The following CIP2A variants were observed in gnomAD, a reference collection of about 807,000 sequenced individuals.
The protein encoded by CIP2A is cellular inhibitor of PP2A.
A neutral mutation model predicts 110.9 loss-of-function variants in CIP2A; 103 were observed. The ratio of observed to expected loss-of-function variants is 0.93; its 90% CI spans 0.79 to 1.09. CIP2A has a LOEUF of 1.09. Ranked by LOEUF, CIP2A falls within the 50% of genes least tolerant of loss-of-function variation. The pLI is 0.00. For synonymous variants in CIP2A, 381 were observed against 361.6 expected, an observed-to-expected ratio of 1.05 and a Z score of -0.61; for missense variants, 1,088 against 1,038.4, an observed-to-expected ratio of 1.05 and a Z score of -0.66.
intron 19 of CIP2A, 50 bp from the exon 20 acceptor site, chr3:108,552,423 T>A (rs1002081796): frequency 8.3e-7 from 1 of 1,207,166 alleles, no homozygotes; most frequent in Non-Finnish European, 1.1e-6. Context: ...TTACACTGAC[T>A]ACTCTGAAAT....
At chr3:108,569,701 A>G (rs1367616854) in intron 8 of CIP2A, 94 bp from the exon 9 acceptor site, 1 of 924,602 alleles carries the variant, frequency 1.1e-6, no homozygotes, top group East Asian at 2.6e-5. Flanking sequence ...TACATATTTT[A>G]AAGAAAATAT....
At chr3:108,569,971 T>C in intron 8 of CIP2A, among the ~76,000 whole-genome samples, 1 of 152,174 alleles carries the variant, frequency 6.6e-6, no homozygotes. Flanking sequence ...GAATTAGTAA[T>C]ACTTGTTATA....
intron 19 of CIP2A, among the ~76,000 whole-genome samples, chr3:108,553,060 T>G (rs1449954507): frequency 2.0e-5 from 3 of 148,768 alleles, no homozygotes; most frequent in Non-Finnish European, 4.5e-5. Context: ...CCCCTGATTC[T>G]AAAAGTTGAA....
chr3:108,553,750 T>C lies in CIP2A; in HGVS notation c.2325-20A>G, dbSNP rs200847374. 22 of 1,483,620 alleles carry C rather than the reference T, an allele frequency of 1.5e-5. No homozygotes were observed. Among genetic ancestry groups the C allele is most frequent in the East Asian group, 6.8e-5 (3 of 43,920 alleles). The allele number at this position is 1,483,620 out of a possible 1,614,324, so 91.9% of individuals were successfully genotyped here. A position where few individuals can be genotyped will look rare whatever the true frequency, so the allele number is the denominator to read the frequency against. ...ATACTTCTGAAGTTATTAAAAAAAA[T>C]AGAAGAAAACATTAATGAACCATAT... On this transcript the variant is annotated intron_variant, in intron 18 of 20. Transcript: ENST00000295746.
At chr3:108,558,543 T>A (rs1004623044) in intron 16 of CIP2A, among the ~76,000 whole-genome samples, 10 of 152,140 alleles carry the variant, frequency 6.6e-5, no homozygotes, top group African/African-American at 2.2e-4. Context: ...CCTGGAGCTA[T>A]AGAAGCAGTC....
At chr3:108,553,082 A>G (rs1937630660) in intron 19 of CIP2A, among the ~76,000 whole-genome samples, 1 of 151,198 alleles carries the variant, frequency 6.6e-6, no homozygotes, top group African/African-American at 2.4e-5. Flanking sequence ...TAATAAAAAA[A>G]TTAAATTAAA....
chr3:108,552,375 T>G lies in CIP2A; in HGVS notation c.2408-2A>C, dbSNP rs1168236343. The G allele has an allele frequency of 7.9e-6, 12 of 1,510,902 alleles. No individual in the cohort carries two copies. Among genetic ancestry groups the G allele is most frequent in the Non-Finnish European group, 1.1e-5 (12 of 1,121,594 alleles). The allele number at this position is 1,510,902 out of a possible 1,614,324, so 93.6% of individuals were successfully genotyped here. The stretch of plus-strand genomic sequence containing the variant: ...GTACTTTTGTTTTTTGATGCAAATC[T>G]TAAAAGAAAAAAAAGTCAAGTATTA... On this transcript the variant is annotated splice_acceptor_variant, in intron 19 of 20. Transcript: ENST00000295746. LOFTEE classifies it high-confidence loss of function.
intron 13 of CIP2A, 45 bp downstream of exon 13, chr3:108,563,081 T>C (rs1938061506): frequency 1.7e-6 from 2 of 1,195,540 alleles, no homozygotes; most frequent in Non-Finnish European, 2.5e-6. Context: ...CATAGCAGGG[T>C]ATTCCAACAC....
chr3:108,579,865 T>TTCAAAATTAAATTCAAA (rs1938804146), intron 5 of CIP2A, among the ~76,000 whole-genome samples, 177 bp from the exon 6 acceptor site: 1 of 152,152 alleles, frequency 6.6e-6, no homozygotes, highest in African/African-American at 2.4e-5. Flanking sequence ...CAGAGATAAA[T>TTCAAAATTAAATTCAAA]TTAAATTCAA....
chr3:108,577,581 A>G (rs906607259), intron 7 of CIP2A, among the ~76,000 whole-genome samples: 3 of 152,170 alleles, frequency 2.0e-5, no homozygotes, highest in African/African-American at 7.2e-5. Flanking sequence ...CTTCTGCATA[A>G]AAGGTAGCAA....
At chr3:108,560,153 G>GCTA in intron 14 of CIP2A, 125 bp from the exon 15 acceptor site, 1 of 607,108 alleles carries the variant, frequency 1.6e-6, no homozygotes. Flanking sequence ...AAAAACAAAT[G>GCTA]CTACATCAGG....
At chr3:108,556,516 A>C (rs933411644) in intron 17 of CIP2A, among the ~76,000 whole-genome samples, 2 of 152,186 alleles carry the variant, frequency 1.3e-5, no homozygotes, top group African/African-American at 4.8e-5. Context: ...TCAGTCTAAA[A>C]TCAAAAGTGC....
At chr3:108,581,352 A>C in intron 5 of CIP2A, 63 bp downstream of exon 5, 1 of 1,147,024 alleles carries the variant, frequency 8.7e-7, no homozygotes, top group Non-Finnish European at 1.3e-6. Context: ...GATAAATACA[A>C]TTTTCTTTAA....
chr3:108,558,941 G>A (rs981352128), intron 16 of CIP2A, among the ~76,000 whole-genome samples: 3 of 152,126 alleles, frequency 2.0e-5, no homozygotes, highest in Non-Finnish European at 4.4e-5. Context: ...GAAAGCAATA[G>A]CAGCTACTGT....
At chr3:108,567,246 CT>C (rs546253602) in intron 10 of CIP2A, among the ~76,000 whole-genome samples, 60 of 145,566 alleles carry the variant, frequency 4.1e-4, no homozygotes, top group Middle Eastern at 3.5e-3. Context: ...CATCGATTTT[CT>C]TTTTTTTTTT....
intron 1 of CIP2A, among the ~76,000 whole-genome samples, chr3:108,587,018 A>C (rs1030986031): frequency 2.0e-5 from 3 of 152,220 alleles, no homozygotes; most frequent in Non-Finnish European, 4.4e-5. Context: ...CAAAATGGTT[A>C]AAATTAAGAA....
rs549167790 is a variant in CIP2A, at chr3:108,576,133, C to T, written c.894+138G>A. On this transcript the variant is annotated intron_variant, in intron 8 of 20. Transcript: ENST00000295746. ...AACATTCTACATCCTGATCTAGACA[C>T]TGGCTACATAATTGTGTCCCTATTA... The T allele has an allele frequency of 1.1e-3, 588 of 535,150 alleles. 2 individuals carry two copies. Among genetic ancestry groups the T allele is most frequent in the Admixed American group, 2.0e-3 (53 of 27,042 alleles). 33.2% of individuals were successfully genotyped at this position (535,150 alleles called of 1,614,324 possible). A position where few individuals can be genotyped will look rare whatever the true frequency, so the allele number is the denominator to read the frequency against.
chr3:108,551,338 G>A lies in CIP2A; in HGVS notation c.2548-19C>T. On this transcript the variant is annotated intron_variant, in intron 20 of 20. Transcript: ENST00000295746. ...AGGAAGCCTAAGGAATTGGGGTTGG[G>A]GGAGGAGGAAGAATTGAGAAGAAAA... The A allele has an allele frequency of 6.4e-7, 1 of 1,568,162 alleles. No individual in the cohort carries two copies. The highest frequency in any genetic ancestry group is 1.2e-5 in the South Asian group (1 of 83,018).
chr3:108,575,382 A>G (rs1477483643), intron 8 of CIP2A, among the ~76,000 whole-genome samples: 1 of 150,234 alleles, frequency 6.7e-6, no homozygotes, highest in African/African-American at 2.4e-5. Flanking sequence ...ATATACATGT[A>G]TGCGTGTATA....
Sources: gnomAD v4.1 joint callset for allele counts (sites outside exome capture counted in the v4.1 genomes callset) on GRCh38, gnomAD v4.1.1 for gene constraint, MANE v1.5 for transcripts, NCBI Gene and HGNC (gene_info 2026-07-23, HGNC 2026-07-21) for gene names.